Variants in CDK12 observed in about 807,000 individuals in gnomAD.
CDK12 encodes cyclin dependent kinase 12.
A neutral mutation model predicts 133.8 loss-of-function variants in CDK12; 17 were observed. The observed-to-expected ratio is 0.13, with a 90% CI of 0.09 to 0.19. The LOEUF (loss-of-function observed/expected upper bound fraction) is 0.19. Among genes scored for constraint, CDK12 ranks in the 10% least tolerant of loss-of-function variants. CDK12 has a pLI of 1.00. For synonymous variants in CDK12, 694 were observed against 683.6 expected, an observed-to-expected ratio of 1.02 and a Z score of -0.24; for missense variants, 1,508 against 1,818.7, an observed-to-expected ratio of 0.83 and a Z score of 3.11.
chr17:39,519,482 T>C (rs1450051168), intron 10 of CDK12, among the ~76,000 whole-genome samples: 1 of 151,762 alleles, frequency 6.6e-6, no homozygotes, highest in Non-Finnish European at 1.5e-5. Context: ...GGTTTCACTA[T>C]GTTGGCCAGG....
At chr17:39,566,374 T>C (rs1228405774), downstream of CDK12, among the ~76,000 whole-genome samples, 1 of 151,982 alleles carries the variant, frequency 6.6e-6, no homozygotes, top group Admixed American at 6.6e-5. Context: ...AAAATCAAAA[T>C]CAAACACCAA....
At chr17:39,469,069 T>G (rs2049580781) in intron 1 of CDK12, among the ~76,000 whole-genome samples, 1 of 150,726 alleles carries the variant, frequency 6.6e-6, no homozygotes, top group Admixed American at 6.6e-5. Flanking sequence ...CCTCGTGATC[T>G]GCTGCCTCGG....
chr17:39,468,187 G>A (rs765930504), intron 1 of CDK12, among the ~76,000 whole-genome samples: 124 of 152,152 alleles, frequency 8.1e-4, no homozygotes, highest in Non-Finnish European at 1.5e-3. Flanking sequence ...GAGCCACCGC[G>A]CCCAGCTTCC....
Position 39,531,501 on chromosome 17 carries a change from A to G in CDK12, c.*185A>G, listed in dbSNP as rs1189163044. 2.1e-6 allele frequency: 1 copy of G among 482,972 alleles called. No homozygotes were observed. The highest frequency in any genetic ancestry group is 2.0e-5 in the African/African-American group (1 of 50,036). 29.9% of individuals were successfully genotyped at this position (482,972 alleles called of 1,614,324 possible). On this transcript the variant is annotated 3_prime_UTR_variant, in exon 14 of 14. Coordinates refer to ENST00000447079, the MANE Select transcript of CDK12 (RefSeq NM_016507.4). ...CGACTTACGAAATAATGATGTTGGC[A>G]CCAGTTCCCCCTGGATGGGCTATAG...
chr17:39,501,544 TCA>T, intron 6 of CDK12, 105 bp downstream of exon 6: 1 of 695,474 alleles, frequency 1.4e-6, no homozygotes, highest in East Asian at 2.8e-5. Context: ...AGTGCAGTAT[TCA>T]CACACTATTT....
intron 3 of CDK12, among the ~76,000 whole-genome samples, chr17:39,492,043 T>A (rs2051657811): frequency 6.7e-6 from 1 of 149,850 alleles, no homozygotes. Context: ...ATACAGGAGT[T>A]AGTGAAATCA....
At chr17:39,516,899 A>G (rs2053848090) in intron 9 of CDK12, among the ~76,000 whole-genome samples, 1 of 151,640 alleles carries the variant, frequency 6.6e-6, no homozygotes, top group African/African-American at 2.4e-5. Flanking sequence ...TCCTGACCTC[A>G]TGATCCGCCC....
intron 1 of CDK12, among the ~76,000 whole-genome samples, chr17:39,467,006 C>T (rs559259881): frequency 6.6e-6 from 1 of 151,700 alleles, no homozygotes; most frequent in Non-Finnish European, 1.5e-5. Flanking sequence ...TAATTTGAGA[C>T]AGAGTTTCTG....
chr17:39,494,890 G>T (rs1264315805), intron 5 of CDK12, among the ~76,000 whole-genome samples, 196 bp downstream of exon 5: 1 of 150,638 alleles, frequency 6.6e-6, no homozygotes, highest in Non-Finnish European at 1.5e-5. Flanking sequence ...CTGCCTCAGT[G>T]TCCTGAGCAG....
chr17:39,553,818 A>C (rs1245116109), intron 2 of CDK12, among the ~76,000 whole-genome samples: 1 of 152,186 alleles, frequency 6.6e-6, no homozygotes, highest in Non-Finnish European at 1.5e-5. Flanking sequence ...TGGCTCACAA[A>C]AACAACAGAG....
intron 1 of CDK12, among the ~76,000 whole-genome samples, chr17:39,540,953 T>C (rs926817090): frequency 6.6e-6 from 1 of 152,196 alleles, no homozygotes; most frequent in African/African-American, 2.4e-5. Flanking sequence ...AAACAATTTA[T>C]AGGAAGCCAA....
At chr17:39,516,799 A>G (rs182657260) in intron 9 of CDK12, among the ~76,000 whole-genome samples, 56 of 150,668 alleles carry the variant, frequency 3.7e-4, no homozygotes, top group Admixed American at 1.3e-3. Flanking sequence ...AGTAGCTGGG[A>G]CTACAGGTGC....
rs1056598443 is a variant in CDK12, at chr17:39,533,677, G to T, written c.*2361G>T. 3 of 232,764 alleles carry T rather than the reference G, an allele frequency of 1.3e-5. No homozygotes were observed. Among genetic ancestry groups the T allele is most frequent in the African/African-American group, 4.4e-5 (2 of 45,260 alleles). 14.4% of individuals were successfully genotyped at this position (232,764 alleles called of 1,614,324 possible). A position where few individuals can be genotyped will look rare whatever the true frequency, so the allele number is the denominator to read the frequency against. Reference sequence around the variant, plus strand: ...TCCCTCATCCCTACTAGGGAAGGGGGTGAGTGTATGTGTGAGTGTATGTGT... The same window carrying T: ...TCCCTCATCCCTACTAGGGAAGGGGTTGAGTGTATGTGTGAGTGTATGTGT... On this transcript the variant is annotated 3_prime_UTR_variant, in exon 14 of 14. Coordinates refer to ENST00000447079, the MANE Select transcript of CDK12 (RefSeq NM_016507.4).
chr17:39,465,782 C>T (rs139754899), intron 1 of CDK12, among the ~76,000 whole-genome samples: 5 of 152,062 alleles, frequency 3.3e-5, no homozygotes, highest in African/African-American at 1.2e-4. Context: ...TGAGCCAATG[C>T]GCACAGCCAT....
chr17:39,548,588 C>T (rs1001892999), upstream of CDK12, among the ~76,000 whole-genome samples: 3 of 152,198 alleles, frequency 2.0e-5, no homozygotes, highest in African/African-American at 7.2e-5. Context: ...TCACCTACTC[C>T]AGCACAAACC....
At chr17:39,473,937 A>G (rs1356474895) in intron 2 of CDK12, among the ~76,000 whole-genome samples, 1 of 151,604 alleles carries the variant, frequency 6.6e-6, no homozygotes, top group African/African-American at 2.4e-5. Context: ...GGCGCCTGTA[A>G]TCCCAGCTAC....
upstream of CDK12, chr17:39,550,010 G>GTC (rs144728868): frequency 7.4e-3 from 1,071 of 145,154 alleles, 6 homozygotes; most frequent in South Asian, 9.0e-3. Flanking sequence ...CTCTCTCTCT[G>GTC]TCTCTCTCTC....
At chr17:39,523,961 A>G (rs1489606965) in intron 11 of CDK12, among the ~76,000 whole-genome samples, 1 of 152,166 alleles carries the variant, frequency 6.6e-6, no homozygotes, top group Admixed American at 6.6e-5. Context: ...AAATTCATTT[A>G]TTACACTAGA....
chr17:39,476,711 C>CTTA (rs1282419845), intron 2 of CDK12, among the ~76,000 whole-genome samples: 13 of 84,516 alleles, frequency 1.5e-4, no homozygotes, highest in Non-Finnish European at 2.5e-4. Flanking sequence ...CCATGCCTGC[C>CTTA]TTTTTTTTTT....
Sources: allele counts gnomAD v4.1 joint callset (sites outside exome capture counted in the v4.1 genomes callset), GRCh38; gene constraint gnomAD v4.1.1; transcripts MANE v1.5; gene names NCBI Gene and HGNC (gene_info 2026-07-23, HGNC 2026-07-21).